HCRTR2: variants seen among roughly 807,000 people sequenced by gnomAD.
HCRTR2 encodes orexin receptor type 2.
HCRTR2 carries 22 observed loss-of-function variants against 49.0 expected under a neutral mutation model. That is an observed-to-expected ratio of 0.45 (90% CI 0.32 to 0.64). The LOEUF is 0.64. Among genes scored for constraint, HCRTR2 ranks in the 30% least tolerant of loss-of-function variants. The pLI is 0.04. For synonymous variants in HCRTR2, 236 were observed against 205.3 expected (o/e 1.15, Z -1.28); for missense variants, 491 against 559.4 (o/e 0.88, Z 1.23).
intron 1 of HCRTR2, among the ~76,000 whole-genome samples, chr6:55,114,124 G>A (rs900255898): frequency 6.6e-6 from 1 of 151,670 alleles, no homozygotes; most frequent in African/African-American, 2.4e-5. Context: ...GGAACTTTGG[G>A]GGAAAAGTGG....
At chr6:55,161,869 A>T (rs1251542675) in intron 1 of HCRTR2, among the ~76,000 whole-genome samples, 1 of 152,126 alleles carries the variant, frequency 6.6e-6, no homozygotes, top group Non-Finnish European at 1.5e-5. Flanking sequence ...AAAGCCCAGG[A>T]CCAGATGGAT....
At chr6:55,148,167 A>C (rs912839251) in intron 1 of HCRTR2, among the ~76,000 whole-genome samples, 8 of 152,134 alleles carry the variant, frequency 5.3e-5, no homozygotes, top group African/African-American at 1.9e-4. Flanking sequence ...GTGTTTAAAA[A>C]TGGCAGCAAA....
At chr6:55,117,337 G>A (rs561135717) in intron 1 of HCRTR2, among the ~76,000 whole-genome samples, 3 of 151,814 alleles carry the variant, frequency 2.0e-5, no homozygotes, top group East Asian at 1.9e-4. Context: ...TGCTCAAAGA[G>A]GTTGAATCAA....
At chr6:55,134,868 T>C (rs1298176884) in intron 1 of HCRTR2, among the ~76,000 whole-genome samples, 1 of 152,090 alleles carries the variant, frequency 6.6e-6, no homozygotes, top group African/African-American at 2.4e-5. Flanking sequence ...TGTGTGTATA[T>C]GAAATATTTT....
At chr6:55,172,845 C>T (rs1051756811), upstream of HCRTR2, among the ~76,000 whole-genome samples, 1 of 152,022 alleles carries the variant, frequency 6.6e-6, no homozygotes, top group Non-Finnish European at 1.5e-5. Context: ...GGGTAGTTAA[C>T]TAAATCTCAG....
chr6:55,220,243 AAC>A lies in HCRTR2; in HGVS notation c.224-28387_224-28386del, dbSNP rs1216392969. Among the ~76,000 whole-genome samples the A allele has an allele frequency of 2.6e-5, 4 of 152,306 alleles. No individual in the cohort carries two copies. In the East Asian group the frequency reaches 5.8e-4, roughly 22 times the overall value. On this transcript the variant is annotated intron_variant, in intron 1 of 6. Coordinates refer to ENST00000370862, the MANE Select transcript of HCRTR2 (RefSeq NM_001384272.1). ...AAAATGAGATAAAGATATTACAACGAACACACACACTTTCAAACAAGCTACAG... is the reference window on the plus strand; with the variant it reads ...AAAATGAGATAAAGATATTACAACGAACACACACTTTCAAACAAGCTACAG...
At chr6:55,172,967 T>C (rs55866639), upstream of HCRTR2, among the ~76,000 whole-genome samples, 66,518 of 152,000 alleles carry the variant, frequency 0.44, 15,407 homozygotes, top group East Asian at 0.78. Flanking sequence ...CATATTATTG[T>C]TACTTCCTCC....
intron 1 of HCRTR2, among the ~76,000 whole-genome samples, chr6:55,211,050 A>T (rs1765687616): frequency 6.6e-6 from 1 of 152,048 alleles, no homozygotes; most frequent in South Asian, 2.1e-4. Context: ...AATTGCCTAC[A>T]GTGTTCAGTA....
chr6:55,235,621 G>T (rs1766199477), intron 1 of HCRTR2, among the ~76,000 whole-genome samples: 1 of 151,914 alleles, frequency 6.6e-6, no homozygotes, highest in Non-Finnish European at 1.5e-5. Flanking sequence ...GTCAAATTTA[G>T]ATCTATAAGT....
chr6:55,115,546 G>T (rs1035121398), intron 1 of HCRTR2, among the ~76,000 whole-genome samples: 1 of 150,992 alleles, frequency 6.6e-6, no homozygotes, highest in South Asian at 2.1e-4. Flanking sequence ...AGTAGTAGCA[G>T]CAGGTAAAGT....
intron 1 of HCRTR2, among the ~76,000 whole-genome samples, chr6:55,142,188 C>G (rs1237987062): frequency 6.6e-6 from 1 of 151,528 alleles, no homozygotes; most frequent in African/African-American, 2.4e-5. Flanking sequence ...TTCAACTGAC[C>G]ATTTAAAAAA....
At chr6:55,141,782 A>G (rs1021251864) in intron 1 of HCRTR2, among the ~76,000 whole-genome samples, 1 of 152,202 alleles carries the variant, frequency 6.6e-6, no homozygotes, top group Non-Finnish European at 1.5e-5. Context: ...TTTTAACAGA[A>G]AATATATTAG....
At chr6:55,282,979 T>C (rs1211221334), downstream of HCRTR2, among the ~76,000 whole-genome samples, 1 of 152,168 alleles carries the variant, frequency 6.6e-6, no homozygotes, top group African/African-American at 2.4e-5. Flanking sequence ...TGTTAGGTAA[T>C]TCAAAAACTA....
At chr6:55,118,830 C>G (rs897315124) in intron 1 of HCRTR2, among the ~76,000 whole-genome samples, 2 of 151,550 alleles carry the variant, frequency 1.3e-5, no homozygotes, top group Non-Finnish European at 2.9e-5. Context: ...AGTACATGTG[C>G]AGAACCTGCA....
At position 55,196,681 on chromosome 6, in the gene HCRTR2, A is replaced by G. The variant is rs116157606; in HGVS notation, c.223+21871A>G. ...CTGATTAAAATAGGAACCAACCTAT[A>G]TGATTCAGGTGGTGAGAAGGAAGAA... On this transcript the variant is annotated intron_variant, in intron 1 of 6. Transcript: ENST00000370862. Among the ~76,000 whole-genome samples, 539 of 152,322 alleles carry G rather than the reference A, an allele frequency of 3.5e-3. 7 individuals are homozygous for G. Among genetic ancestry groups the G allele is most frequent in the South Asian group, 0.017 (80 of 4,828 alleles).
At chr6:55,195,281 A>G (rs1387380635) in intron 1 of HCRTR2, among the ~76,000 whole-genome samples, 2 of 152,200 alleles carry the variant, frequency 1.3e-5, no homozygotes, top group East Asian at 3.8e-4. Flanking sequence ...AAGAAAACAT[A>G]TCAAAACAAC....
At chr6:55,161,922 C>T (rs1764811495) in intron 1 of HCRTR2, among the ~76,000 whole-genome samples, 1 of 152,124 alleles carries the variant, frequency 6.6e-6, no homozygotes, top group Non-Finnish European at 1.5e-5. Flanking sequence ...GAGCTGGTAC[C>T]ATTCCTTCTG....
At chr6:55,138,145 T>C (rs1375633197) in intron 1 of HCRTR2, among the ~76,000 whole-genome samples, 1 of 152,152 alleles carries the variant, frequency 6.6e-6, no homozygotes, top group Non-Finnish European at 1.5e-5. Context: ...AACCATGTAT[T>C]CAGTTAAAAA....
intron 1 of HCRTR2, among the ~76,000 whole-genome samples, chr6:55,225,255 C>G (rs1765981145): frequency 1.3e-5 from 2 of 152,046 alleles, no homozygotes; most frequent in South Asian, 4.1e-4. Context: ...TTCTTTGTCT[C>G]CATTAGTGTG....
Sources: allele counts gnomAD v4.1 joint callset (sites outside exome capture counted in the v4.1 genomes callset), GRCh38; gene constraint gnomAD v4.1.1; transcripts MANE v1.5; gene names NCBI Gene and HGNC (gene_info 2026-07-23, HGNC 2026-07-21).